EWSR1: variants seen among roughly 807,000 people sequenced by gnomAD.
EWSR1 encodes RNA-binding protein EWS.
In EWSR1, 14 loss-of-function variants were observed where a neutral mutation model predicts 92.1. That is an observed-to-expected ratio of 0.15 (90% CI 0.10 to 0.24). The LOEUF is 0.24. Among genes scored for constraint, EWSR1 ranks in the 10% least tolerant of loss-of-function variants. The probability of loss-of-function intolerance (pLI) is 1.00; values close to 1 mark genes in which losing one functional copy is unlikely to be tolerated. For synonymous variants in EWSR1, 303 were observed against 292.9 expected (o/e 1.03, Z -0.35); for missense variants, 637 against 870.9 (o/e 0.73, Z 3.38).
chr22:29,287,258 GAGT>G (rs1440668412), intron 7 of EWSR1, 124 bp downstream of exon 7: 2 of 924,288 alleles, frequency 2.2e-6, no homozygotes, highest in Non-Finnish European at 3.3e-6. Flanking sequence ...GCTGAGGCTG[GAGT>G]ACAGTGGTGC....
chr22:29,299,457 A>G lies in EWSR1; in HGVS notation c.1678+126A>G, dbSNP rs2061163046. The G allele has an allele frequency of 2.0e-6, 3 of 1,490,996 alleles. No individual in the cohort carries two copies. The African/African-American group carries it at 4.2e-5, about 21-fold the overall frequency. 92.4% of individuals were successfully genotyped at this position (1,490,996 alleles called of 1,614,324 possible). On this transcript the variant is annotated intron_variant, in intron 15 of 16. Transcript: ENST00000397938. ...TTTGAGTTGTCGTGTCCTCATTTCTAAATTGTCAGCCCGATGCCGAGATTG... is the reference window on the plus strand; with the variant it reads ...TTTGAGTTGTCGTGTCCTCATTTCTGAATTGTCAGCCCGATGCCGAGATTG...
At chr22:29,293,850 G>A (rs1397921511) in intron 11 of EWSR1, among the ~76,000 whole-genome samples, 2 of 152,096 alleles carry the variant, frequency 1.3e-5, no homozygotes, top group African/African-American at 4.8e-5. Flanking sequence ...TTGCAGACAT[G>A]AGCCACTGTG....
intron 9 of EWSR1, chr22:29,291,863 T>A (rs2060465443): frequency 3.5e-6 from 2 of 564,620 alleles, no homozygotes; most frequent in Non-Finnish European, 6.2e-6. Context: ...GAGGAAAAAT[T>A]TTGACTTAAA....
intron 4 of EWSR1, chr22:29,276,412 CTG>C (rs147200309): frequency 0.065 from 14,445 of 222,948 alleles, 609 homozygotes; most frequent in Non-Finnish European, 0.091. Flanking sequence ...ATTACTATCT[CTG>C]TGTATAATTT....
chr22:29,268,329 G>A lies in EWSR1; in HGVS notation c.-8G>A, dbSNP rs552992152. 64 of 1,613,980 alleles carry A rather than the reference G, an allele frequency of 4.0e-5. 1 individual carries two copies. The South Asian group carries it at 6.5e-4, about 16-fold the overall frequency. ...GGACGTTGAGAGAACGAGGAGGAAGGAGAGAAAATGGCGTCCACGGGTGAG... is the reference window on the plus strand; with the variant it reads ...GGACGTTGAGAGAACGAGGAGGAAGAAGAGAAAATGGCGTCCACGGGTGAG... On this transcript the variant is annotated 5_prime_UTR_variant, in exon 1 of 17. Transcript: ENST00000397938.
intron 1 of EWSR1, among the ~76,000 whole-genome samples, chr22:29,270,360 G>A (rs1385143939): frequency 1.3e-5 from 2 of 152,224 alleles, no homozygotes; most frequent in African/African-American, 2.4e-5. Flanking sequence ...AGTGAAGTCA[G>A]TGGCTCACTT....
At chr22:29,277,746 A>G (rs2059232473) in intron 4 of EWSR1, 1 of 377,574 alleles carries the variant, frequency 2.6e-6, no homozygotes. Flanking sequence ...CACAGCATTC[A>G]AGAGGGGGCA....
chr22:29,298,611 G>A (rs1261131888), intron 13 of EWSR1, 122 bp from the exon 14 acceptor site: 5 of 1,235,850 alleles, frequency 4.0e-6, no homozygotes, highest in Non-Finnish European at 4.7e-6. Context: ...CGGAAACACG[G>A]GACAGGTGAT....
Position 29,297,809 on chromosome 22 carries a change from T to C in EWSR1, c.1295-18T>C, listed in dbSNP as rs2060984970. On this transcript the variant is annotated intron_variant, in intron 12 of 16. Coordinates refer to ENST00000397938, the MANE Select transcript of EWSR1 (RefSeq NM_005243.4). ...GGGAGTACAGGGGAGTAATTGATGT[T>C]CTGTTGTCTTGTTCCAGGGAAAGAT... 1.2e-6 allele frequency: 2 copies of C among 1,613,530 alleles called. No homozygotes were observed. Among genetic ancestry groups the C allele is most frequent in the Non-Finnish European group, 1.7e-6 (2 of 1,179,788 alleles).
At chr22:29,299,358 C>T (rs760790463) in intron 15 of EWSR1, 27 bp downstream of exon 15, 3 of 1,602,726 alleles carry the variant, frequency 1.9e-6, no homozygotes, top group South Asian at 1.1e-5. Flanking sequence ...TGAGTGTCCC[C>T]TCAGCTTCCT....
chr22:29,299,693 C>T lies in EWSR1; in HGVS notation c.1773C>T (p.Gly591=), dbSNP rs2147850074. 1.2e-6 allele frequency: 2 copies of T among 1,612,018 alleles called. No individual in the cohort carries two copies. Among genetic ancestry groups the T allele is most frequent in the African/African-American group, 1.3e-5 (1 of 74,848 alleles). The change falls in exon 16 of 17, where the codon GGC becomes GGT. Residue 591 remains glycine, a synonymous_variant. Transcript: ENST00000397938. ...GTCCCGGTGGAATGTTCAGAGGTGGCCGTGGTGGAGACAGAGGTGGCTTCC... is the reference window on the plus strand; with the variant it reads ...GTCCCGGTGGAATGTTCAGAGGTGGTCGTGGTGGAGACAGAGGTGGCTTCC... ...RGGPGGMFRG[G]RGGDRGGFRG...
At chr22:29,292,009 C>G in intron 9 of EWSR1, 128 bp from the exon 10 acceptor site, 1 of 836,066 alleles carries the variant, frequency 1.2e-6, no homozygotes, top group African/African-American at 1.7e-5. Flanking sequence ...TTTAGCAGTG[C>G]GGGTCATTTT....
chr22:29,282,624 C>G lies in EWSR1; in HGVS notation c.581+67C>G. 2 of 1,334,762 alleles carry G rather than the reference C, an allele frequency of 1.5e-6. 1 individual carries two copies. Among genetic ancestry groups the G allele is most frequent in the Non-Finnish European group, 2.0e-6 (2 of 997,822 alleles). 82.7% of individuals were successfully genotyped at this position (1,334,762 alleles called of 1,614,324 possible). A position where few individuals can be genotyped will look rare whatever the true frequency, so the allele number is the denominator to read the frequency against. ...CAGTTTTTTTCAGGTTGTTGACCAG[C>G]TTGCTTTGACTTCTTCAGCTAAGGT... On this transcript the variant is annotated intron_variant, in intron 6 of 16. Coordinates refer to ENST00000397938, the MANE Select transcript of EWSR1 (RefSeq NM_005243.4).
Position 29,294,498 on chromosome 22 carries a change from C to G in EWSR1, c.1165-1741C>G, listed in dbSNP as rs540401035. On this transcript the variant is annotated intron_variant, in intron 11 of 16. Transcript: ENST00000397938. ...GCGGGCACCTGTAGTCCCAGCTACTCGGAGGCTGAGGCGGGAGAATGGCAT... is the reference window on the plus strand; with the variant it reads ...GCGGGCACCTGTAGTCCCAGCTACTGGGAGGCTGAGGCGGGAGAATGGCAT... 1.2e-3 allele frequency among the ~76,000 whole-genome samples: 181 copies of G among 150,342 alleles called. 1 individual carries two copies. The highest frequency in any genetic ancestry group is 4.2e-3 in the African/African-American group (171 of 40,816).
Position 29,299,620 on chromosome 22 carries a change from G to A in EWSR1, c.1700G>A (p.Gly567Asp). ...PPPGGDRGRG[G>D]PGGMRGGRGG... ...TTAGGTGGTGATCGTGGCAGAGGTG[G>A]CCCTGGTGGCATGCGGGGAGGAAGA... Residue 567 changes from glycine (G) to aspartate (D), a missense_variant, in exon 16 of 17, where the codon GGC becomes GAC. Coordinates refer to ENST00000397938, the MANE Select transcript of EWSR1 (RefSeq NM_005243.4). 1 of 1,605,556 alleles carries A rather than the reference G, an allele frequency of 6.2e-7. No homozygotes were observed. The highest frequency in any genetic ancestry group is 2.2e-5 in the East Asian group (1 of 44,720).
rs2058284279 is a variant in EWSR1 at position 29,268,296 on chromosome 22, A to C, written c.-41A>C. ...GTGCGGCGCCTAGAGGGAAAGCGAG[A>C]GGGAGACGGACGTTGAGAGAACGAG... On this transcript the variant is annotated 5_prime_UTR_variant, in exon 1 of 17. Transcript: ENST00000397938. 6.2e-7 allele frequency: 1 copy of C among 1,609,110 alleles called. No homozygotes were observed. Among genetic ancestry groups the C allele is most frequent in the Non-Finnish European group, 8.5e-7 (1 of 1,175,532 alleles).
chr22:29,297,766 A>ATGTGGAGTTGGT, intron 12 of EWSR1, 61 bp from the exon 13 acceptor site: 1 of 1,597,522 alleles, frequency 6.3e-7, no homozygotes, highest in Non-Finnish European at 8.6e-7. Flanking sequence ...TTTGATGATG[A>ATGTGGAGTTGGT]TGTGGAGTTG....
In EWSR1 at chr22:29,296,263, A is replaced by G. The variant is rs751816550; in HGVS notation, c.1189A>G (p.Met397Val). The change falls in exon 12 of 17, where the codon ATG becomes GTG. Residue 397 changes from methionine (M) to valine (V), a missense_variant. Around this residue, in one of 5 missense-constraint regions of EWSR1, gnomAD observed 363 missense variants for 447.8 expected, o/e 0.81. Transcript: ENST00000397938. The part of the protein sequence containing the change: ...VKMNKRTGQP[M>V]IHIYLDKETG... ...GATGAACAAGAGAACTGGGCAACCC[A>G]TGATCCACATCTACCTGGACAAGGA... 4 of 1,614,076 alleles carry G rather than the reference A, an allele frequency of 2.5e-6. No individual in the cohort carries two copies. In the African/African-American group the frequency reaches 4.0e-5, roughly 16 times the overall value.
intron 8 of EWSR1, chr22:29,289,705 T>C (rs1442211054): frequency 4.3e-6 from 1 of 232,348 alleles, no homozygotes; most frequent in Non-Finnish European, 8.5e-6. Flanking sequence ...AAAAATTAAA[T>C]AGCATTTTTT....
Sources: allele counts gnomAD v4.1 joint callset (sites outside exome capture counted in the v4.1 genomes callset), GRCh38; gene constraint gnomAD v4.1.1; regional missense constraint gnomAD v4.1.1; transcripts MANE v1.5; gene names NCBI Gene and HGNC (gene_info 2026-07-23, HGNC 2026-07-21).